Variants in NFATC3 observed in about 807,000 individuals in gnomAD.
The protein encoded by NFATC3 is nuclear factor of activated T-cells, cytoplasmic 3.
Under a neutral mutation model 98.6 loss-of-function variants are expected in NFATC3, and 46 were observed. The observed-to-expected ratio is 0.47, with a 90% CI of 0.37 to 0.60. NFATC3 has a LOEUF of 0.60. Ranked by LOEUF, NFATC3 falls within the 20% of genes least tolerant of loss-of-function variation. The probability of loss-of-function intolerance (pLI) is 0.00; values close to 1 mark genes in which losing one functional copy is unlikely to be tolerated. For missense variants in NFATC3, 1,256 were observed against 1,295.5 expected, an observed-to-expected ratio of 0.97 and a Z score of 0.47; for synonymous variants, 512 against 472.2, an observed-to-expected ratio of 1.08 and a Z score of -1.09.
intron 1 of NFATC3, among the ~76,000 whole-genome samples, chr16:68,101,156 T>C (rs905410522): frequency 1.4e-4 from 21 of 152,162 alleles, no homozygotes; most frequent in African/African-American, 5.1e-4. Flanking sequence ...CTTTTCTTTT[T>C]TTTGAGACAC....
chr16:68,178,653 A>G (rs1329059627), intron 6 of NFATC3, among the ~76,000 whole-genome samples: 1 of 152,220 alleles, frequency 6.6e-6, no homozygotes, highest in Non-Finnish European at 1.5e-5. Flanking sequence ...TCAAGTCATC[A>G]AGAAAGGTCT....
chr16:68,226,160 G>A (rs1338646270), intron 9 of NFATC3, 190 bp from the exon 10 acceptor site: 3 of 551,636 alleles, frequency 5.4e-6, no homozygotes, highest in Non-Finnish European at 8.9e-6. Flanking sequence ...AGAAAAAGAG[G>A]TCCAGAGTAG....
chr16:68,092,450 CTCA>C (rs1245562714), intron 1 of NFATC3, among the ~76,000 whole-genome samples: 1 of 137,718 alleles, frequency 7.3e-6, no homozygotes, highest in African/African-American at 2.7e-5. Flanking sequence ...AAAACTCTCT[CTCA>C]AAAAAAAAAA....
intron 9 of NFATC3, among the ~76,000 whole-genome samples, chr16:68,203,778 C>T (rs898771063): frequency 1.3e-5 from 2 of 152,076 alleles, no homozygotes; most frequent in African/African-American, 2.4e-5. Flanking sequence ...TGGCTGGGCG[C>T]GGTGGCTCGT....
At chr16:68,181,619 T>G in intron 7 of NFATC3, 89 bp downstream of exon 7, 2 of 970,130 alleles carry the variant, frequency 2.1e-6, no homozygotes, top group Non-Finnish European at 3.2e-6. Flanking sequence ...ATGACTCTTT[T>G]GTATATTGAT....
At chr16:68,092,741 A>G (rs2034797061) in intron 1 of NFATC3, among the ~76,000 whole-genome samples, 1 of 152,036 alleles carries the variant, frequency 6.6e-6, no homozygotes, top group Admixed American at 6.6e-5. Context: ...ACAAAAACAA[A>G]CTGTTAGTGC....
At chr16:68,144,329 G>C (rs759478096) in intron 3 of NFATC3, among the ~76,000 whole-genome samples, 25 of 152,084 alleles carry the variant, frequency 1.6e-4, no homozygotes, top group Non-Finnish European at 3.2e-4. Flanking sequence ...TAAACTGCTA[G>C]TGAGAGTTAA....
At chr16:68,100,605 C>A (rs952676074) in intron 1 of NFATC3, among the ~76,000 whole-genome samples, 7 of 151,432 alleles carry the variant, frequency 4.6e-5, no homozygotes, top group Non-Finnish European at 8.9e-5. Context: ...AAAAAAAAAA[C>A]CAAACCTGCC....
chr16:68,194,256 A>C (rs1461466540), intron 9 of NFATC3, among the ~76,000 whole-genome samples: 1 of 152,154 alleles, frequency 6.6e-6, no homozygotes, highest in East Asian at 1.9e-4. Flanking sequence ...AGAACTCTCT[A>C]CTAAACGGAA....
At chr16:68,224,542 TGG>T (rs2041975668) in intron 9 of NFATC3, among the ~76,000 whole-genome samples, 1 of 150,996 alleles carries the variant, frequency 6.6e-6, no homozygotes, top group African/African-American at 2.4e-5. Flanking sequence ...CCCAGAGTGC[TGG>T]GTTTATAGGC....
intron 3 of NFATC3, among the ~76,000 whole-genome samples, chr16:68,147,216 A>G (rs191341403): frequency 6.6e-6 from 1 of 152,326 alleles, no homozygotes; most frequent in East Asian, 1.9e-4. Flanking sequence ...ATTCTTTGGT[A>G]TAGAGTACTT....
chr16:68,163,761 A>T (rs1345322263), intron 4 of NFATC3, among the ~76,000 whole-genome samples: 1 of 146,742 alleles, frequency 6.8e-6, no homozygotes, highest in African/African-American at 2.6e-5. Context: ...CACATCCCAG[A>T]CGGGGCGGTG....
chr16:68,109,386 G>C (rs1298646469), intron 1 of NFATC3, among the ~76,000 whole-genome samples: 1 of 152,136 alleles, frequency 6.6e-6, no homozygotes, highest in African/African-American at 2.4e-5. Context: ...CTATTGATTT[G>C]AATATGTTGA....
rs544890166 is a variant in NFATC3, at chr16:68,164,739, G to A, written c.1602-2104G>A. On this transcript the variant is annotated intron_variant, in intron 4 of 9. Transcript: ENST00000346183. The stretch of plus-strand genomic sequence containing the variant: ...CTGAAAATACAAAAAAATTAGCCGG[G>A]CGTGGTGGTGCACGCCTGTAATCCC... 3.9e-5 allele frequency among the ~76,000 whole-genome samples: 6 copies of A among 152,042 alleles called. No homozygotes were observed. The South Asian group carries it at 1.0e-3, about 26-fold the overall frequency.
chr16:68,192,579 C>A (rs898010115), intron 9 of NFATC3, among the ~76,000 whole-genome samples: 1 of 151,860 alleles, frequency 6.6e-6, no homozygotes, highest in African/African-American at 2.4e-5. Context: ...GAATTCTCGG[C>A]CAGGCTCAGT....
At chr16:68,094,792 A>G (rs1018895591) in intron 1 of NFATC3, among the ~76,000 whole-genome samples, 5 of 152,260 alleles carry the variant, frequency 3.3e-5, no homozygotes, top group Non-Finnish European at 5.9e-5. Flanking sequence ...GTTTAAATAT[A>G]TGCAAAATAG....
chr16:68,140,970 A>G (rs2037720831), intron 3 of NFATC3, among the ~76,000 whole-genome samples: 1 of 152,086 alleles, frequency 6.6e-6, no homozygotes, highest in African/African-American at 2.4e-5. Context: ...TTCTGAGTCT[A>G]CAATATCCAT....
chr16:68,107,465 G>A (rs980307951), intron 1 of NFATC3, among the ~76,000 whole-genome samples: 2 of 152,182 alleles, frequency 1.3e-5, no homozygotes, highest in African/African-American at 4.8e-5. Flanking sequence ...GCTTACGCCT[G>A]TAATCCCAGC....
chr16:68,119,087 G>A (rs1040316152), intron 1 of NFATC3, among the ~76,000 whole-genome samples: 8 of 152,158 alleles, frequency 5.3e-5, no homozygotes, highest in Admixed American at 4.6e-4. Flanking sequence ...CAGCATGGTC[G>A]TGATCTCCTG....
Sources: gnomAD v4.1 joint callset for allele counts (sites outside exome capture counted in the v4.1 genomes callset) on GRCh38, gnomAD v4.1.1 for gene constraint, MANE v1.5 for transcripts, NCBI Gene and HGNC (gene_info 2026-07-23, HGNC 2026-07-21) for gene names.